STXBP5: variants seen among roughly 807,000 people sequenced by gnomAD.
STXBP5 encodes the protein syntaxin binding protein 5, also known as syntaxin-binding protein 5.
STXBP5 carries 50 observed loss-of-function variants against 152.4 expected under a neutral mutation model. The ratio of observed to expected loss-of-function variants is 0.33; its 90% CI spans 0.26 to 0.42. The LOEUF (loss-of-function observed/expected upper bound fraction) is 0.42, where lower values mean the gene tolerates loss of function less well. Ranked by LOEUF, STXBP5 falls within the 10% of genes least tolerant of loss-of-function variation. The probability of loss-of-function intolerance (pLI) is 1.00; values close to 1 mark genes in which losing one functional copy is unlikely to be tolerated. For synonymous variants in STXBP5, 492 were observed against 494.7 expected, an observed-to-expected ratio of 0.99 and a Z score of 0.07; for missense variants, 1,167 against 1,388.6, an observed-to-expected ratio of 0.84 and a Z score of 2.54.
chr6:147,375,861 G>T (rs981685373), intron 26 of STXBP5, among the ~76,000 whole-genome samples: 2 of 151,956 alleles, frequency 1.3e-5, no homozygotes, highest in Non-Finnish European at 2.9e-5. Context: ...AACAGCCAAA[G>T]ATGGTAAGAT....
intron 2 of STXBP5, among the ~76,000 whole-genome samples, chr6:147,209,762 C>T (rs1226715594): frequency 1.3e-5 from 2 of 152,076 alleles, no homozygotes; most frequent in African/African-American, 2.4e-5. Context: ...ATGAACATTT[C>T]TATACATTGG....
chr6:147,369,446 C>T (rs547723779), intron 25 of STXBP5, among the ~76,000 whole-genome samples: 2 of 151,940 alleles, frequency 1.3e-5, no homozygotes, highest in Non-Finnish European at 2.9e-5. Context: ...AAGCAACATC[C>T]ATAAAAGAAC....
Position 147,291,116 on chromosome 6 carries a change from G to A in STXBP5, c.861G>A (p.Lys287=). ...TPHGKQLKDG[K]KPEPCKPILK... Reference sequence around the variant, plus strand: ...TAGGAAAACAGTTAAAGGATGGGAAGAAGCCAGAACCATGCAAACCTATCC... The same window carrying A: ...TAGGAAAACAGTTAAAGGATGGGAAAAAGCCAGAACCATGCAAACCTATCC... The change falls in exon 9 of 28, where the codon AAG becomes AAA. Residue 287 remains lysine, a synonymous_variant. Coordinates refer to ENST00000321680, the MANE Select transcript of STXBP5 (RefSeq NM_001127715.4). 6 of 1,608,378 alleles carry A rather than the reference G, an allele frequency of 3.7e-6. No homozygotes were observed. The highest frequency in any genetic ancestry group is 5.1e-6 in the Non-Finnish European group (6 of 1,177,110).
Position 147,384,696 on chromosome 6 carries a change from T to C in STXBP5, c.3415-18T>C, listed in dbSNP as rs757336991. ...CCGGCATTTTAAAAGCATGTTTTTC[T>C]TTTTTTTCCCCCTTTAGATTATGTT... On this transcript the variant is annotated intron_variant, in intron 27 of 27. Transcript: ENST00000321680. 6.3e-7 allele frequency: 1 copy of C among 1,599,334 alleles called. No individual in the cohort carries two copies. Among genetic ancestry groups the C allele is most frequent in the Non-Finnish European group, 8.5e-7 (1 of 1,170,920 alleles).
At chr6:147,205,926 T>G (rs1484455167) in intron 1 of STXBP5, 45 bp from the exon 2 acceptor site, 12 of 1,484,766 alleles carry the variant, frequency 8.1e-6, no homozygotes, top group Non-Finnish European at 1.1e-5. Flanking sequence ...TTTTAAAATT[T>G]CGCTTGCTGC....
intron 9 of STXBP5, among the ~76,000 whole-genome samples, chr6:147,302,313 T>G (rs994819137): frequency 1.3e-5 from 2 of 152,150 alleles, no homozygotes; most frequent in Admixed American, 6.5e-5. Context: ...GGCTAGGAGA[T>G]TCTGAACAGG....
intron 2 of STXBP5, among the ~76,000 whole-genome samples, chr6:147,232,624 C>T (rs552799369): frequency 1.3e-5 from 2 of 151,714 alleles, no homozygotes; most frequent in East Asian, 3.9e-4. Flanking sequence ...TTTCTCTGAG[C>T]CTTAGATATA....
Position 147,383,001 on chromosome 6 carries a change from A to G in STXBP5, c.3414+3A>G, listed in dbSNP as rs1358776548. The G allele has an allele frequency of 1.2e-6, 2 of 1,613,000 alleles. No individual in the cohort carries two copies. Among genetic ancestry groups the G allele is most frequent in the African/African-American group, 2.7e-5 (2 of 74,864 alleles). On this transcript the variant is annotated splice_donor_region_variant and intron_variant, in intron 27 of 27. Coordinates refer to ENST00000321680, the MANE Select transcript of STXBP5 (RefSeq NM_001127715.4). ...CATTTTCTAAACATGCTCATGAGGT[A>G]CGACTCTCAAACAGATATTTGAACA...
intron 10 of STXBP5, among the ~76,000 whole-genome samples, chr6:147,310,878 AT>A (rs895737622): frequency 8.6e-5 from 13 of 151,396 alleles, no homozygotes; most frequent in Non-Finnish European, 1.3e-4. Context: ...ATATATGTAT[AT>A]TTTTTTTTCA....
chr6:147,235,234 A>G lies in STXBP5; in HGVS notation c.249-16A>G. The stretch of plus-strand genomic sequence containing the variant: ...CCGAACAAATACCATAAACTCCTTA[A>G]TGGAATTAATTACAGCTTTGGTCGT... On this transcript the variant is annotated splice_polypyrimidine_tract_variant and intron_variant, in intron 2 of 27. Coordinates refer to ENST00000321680, the MANE Select transcript of STXBP5 (RefSeq NM_001127715.4). The G allele has an allele frequency of 4.3e-6, 7 of 1,611,858 alleles. No individual in the cohort carries two copies. The highest frequency in any genetic ancestry group is 5.9e-6 in the Non-Finnish European group (7 of 1,178,296).
intron 7 of STXBP5, among the ~76,000 whole-genome samples, chr6:147,270,180 C>T (rs142153021): frequency 0.015 from 2,297 of 152,030 alleles, 28 homozygotes; most frequent in Admixed American, 0.027. Context: ...GGGCAGATCA[C>T]GAGGTCAGGA....
rs369741077 is a variant in STXBP5 at position 147,341,173 on chromosome 6, T to C, written c.2254+1789T>C. ...AGGGAGACTGCCCCATTTTAGACTG[T>C]AAAGTTTTTTTGCATTTGAAAAACT... On this transcript the variant is annotated intron_variant, in intron 21 of 27. Coordinates refer to ENST00000321680, the MANE Select transcript of STXBP5 (RefSeq NM_001127715.4). 3.4e-4 allele frequency among the ~76,000 whole-genome samples: 52 copies of C among 152,318 alleles called. 1 individual carries two copies. The highest frequency in any genetic ancestry group is 1.2e-3 in the African/African-American group (51 of 41,568).
At chr6:147,329,640 T>TTTTG (rs1783457823) in intron 18 of STXBP5, among the ~76,000 whole-genome samples, 1 of 143,014 alleles carries the variant, frequency 7.0e-6, no homozygotes, top group African/African-American at 2.6e-5. Flanking sequence ...TTTTTTTTTT[T>TTTTG]TTTGAGACGG....
chr6:147,339,193 C>A lies in STXBP5; in HGVS notation c.2161C>A (p.His721Asn). The change falls in exon 20 of 28, where the codon CAC (histidine) becomes AAC (asparagine). Residue 721 changes from histidine (H) to asparagine (N), a missense_variant. His to Asn is a moderately conservative substitution (Grantham distance 68, BLOSUM62 1). Around this residue, in one of 3 missense-constraint regions of STXBP5, gnomAD observed 833 missense variants for 986.3 expected, o/e 0.84. Transcript: ENST00000321680. ...CATTTGTGTAGGTTCTTCATCACCACACAATTCAGATGATGAACAAAAAAT... is the reference window on the plus strand; with the variant it reads ...CATTTGTGTAGGTTCTTCATCACCAAACAATTCAGATGATGAACAAAAAAT... ...KSPTSGSSSP[H>N]NSDDEQKMNN... 6.5e-7 allele frequency: 1 copy of A among 1,540,736 alleles called. No individual in the cohort carries two copies. The highest frequency in any genetic ancestry group is 1.4e-5 in the African/African-American group (1 of 72,416).
intron 18 of STXBP5, among the ~76,000 whole-genome samples, chr6:147,333,161 A>G (rs1288314173): frequency 6.6e-6 from 1 of 152,218 alleles, no homozygotes; most frequent in Non-Finnish European, 1.5e-5. Flanking sequence ...TACATCTATC[A>G]TCTTAGATCT....
At chr6:147,325,770 A>AT (rs533349087) in intron 17 of STXBP5, among the ~76,000 whole-genome samples, 1 of 151,406 alleles carries the variant, frequency 6.6e-6, no homozygotes, top group Non-Finnish European at 1.5e-5. Flanking sequence ...GGACTCATTC[A>AT]TTTTTTTTCT....
intron 4 of STXBP5, among the ~76,000 whole-genome samples, chr6:147,253,895 A>G (rs1261723934): frequency 6.6e-6 from 1 of 152,196 alleles, no homozygotes; most frequent in Non-Finnish European, 1.5e-5. Flanking sequence ...ATTCAGTGCT[A>G]TCCCCATCGA....
chr6:147,206,286 C>T (rs1776553540), intron 2 of STXBP5, among the ~76,000 whole-genome samples: 1 of 152,054 alleles, frequency 6.6e-6, no homozygotes, highest in Admixed American at 6.5e-5. Context: ...AACATATATC[C>T]AAATAGAGGT....
At chr6:147,244,432 A>G (rs1382483216) in intron 4 of STXBP5, among the ~76,000 whole-genome samples, 2 of 152,216 alleles carry the variant, frequency 1.3e-5, no homozygotes, top group Non-Finnish European at 2.9e-5. Context: ...GTCAATATCC[A>G]CACAATAGCT....
Sources: allele counts gnomAD v4.1 joint callset (sites outside exome capture counted in the v4.1 genomes callset), GRCh38; gene constraint gnomAD v4.1.1; regional missense constraint gnomAD v4.1.1; transcripts MANE v1.5; gene names NCBI Gene and HGNC (gene_info 2026-07-23, HGNC 2026-07-21).